CMIP: variants seen among roughly 807,000 people sequenced by gnomAD.
The protein encoded by CMIP is C-Maf-inducing protein.
CMIP carries 13 observed loss-of-function variants against 97.3 expected under a neutral mutation model. The observed-to-expected ratio is 0.13, with a 90% CI of 0.09 to 0.21. The LOEUF (loss-of-function observed/expected upper bound fraction) is 0.21. CMIP is among the 10% of genes least tolerant of loss of function. CMIP has a pLI of 1.00. For missense variants in CMIP, 847 were observed against 1,024.9 expected (o/e 0.83, Z 2.37); for synonymous variants, 538 against 436.3 (o/e 1.23, Z -2.91).
intron 8 of CMIP, among the ~76,000 whole-genome samples, chr16:81,671,502 A>G (rs1226333940): frequency 1.3e-5 from 2 of 152,378 alleles, no homozygotes; most frequent in African/African-American, 4.8e-5. Flanking sequence ...TATGTTTGAA[A>G]GTAAAATGAG....
chr16:81,628,016 C>G (rs1316181649), intron 3 of CMIP, among the ~76,000 whole-genome samples: 1 of 152,168 alleles, frequency 6.6e-6, no homozygotes, highest in Non-Finnish European at 1.5e-5. Context: ...CATCCCCATG[C>G]AGGGGAAAGG....
intron 10 of CMIP, among the ~76,000 whole-genome samples, chr16:81,688,241 GTC>G (rs1352996759): frequency 1.3e-5 from 2 of 152,200 alleles, no homozygotes; most frequent in Non-Finnish European, 2.9e-5. Flanking sequence ...CTCTCCCGCT[GTC>G]TCTGCACACA....
At chr16:81,504,248 C>T (rs1417833388) in intron 1 of CMIP, among the ~76,000 whole-genome samples, 1 of 151,784 alleles carries the variant, frequency 6.6e-6, no homozygotes, top group African/African-American at 2.4e-5. Context: ...ATCGCTTGAA[C>T]CCGGGAGGCA....
At chr16:81,591,244 T>C (rs371345788) in intron 1 of CMIP, among the ~76,000 whole-genome samples, 1 of 126,296 alleles carries the variant, frequency 7.9e-6, no homozygotes, top group African/African-American at 2.5e-5. Context: ...CGTGGGGAGA[T>C]GTCTTTGAGC....
chr16:81,497,804 C>G (rs139570651), intron 1 of CMIP, among the ~76,000 whole-genome samples: 188 of 152,376 alleles, frequency 1.2e-3, no homozygotes, highest in African/African-American at 4.3e-3. Context: ...TGCCCCGCCG[C>G]CTCCTCTGCT....
chr16:81,578,418 A>G (rs74402264), intron 1 of CMIP, among the ~76,000 whole-genome samples: 6 of 152,338 alleles, frequency 3.9e-5, no homozygotes, highest in Admixed American at 6.5e-5. Context: ...GCCCTGAGCT[A>G]TGTGAGTGCT....
At chr16:81,685,291 C>G (rs777942180) in intron 10 of CMIP, among the ~76,000 whole-genome samples, 1 of 152,208 alleles carries the variant, frequency 6.6e-6, no homozygotes, top group Admixed American at 6.5e-5. Context: ...GAGGAGGAGG[C>G]TTCTGTCCAG....
intron 1 of CMIP, among the ~76,000 whole-genome samples, chr16:81,500,212 T>G (rs937574742): frequency 2.6e-5 from 4 of 151,718 alleles, no homozygotes; most frequent in African/African-American, 9.7e-5. Flanking sequence ...AACGATTCTT[T>G]TGGTGAATTT....
intron 1 of CMIP, among the ~76,000 whole-genome samples, chr16:81,490,936 C>T (rs1382435067): frequency 6.6e-6 from 1 of 152,132 alleles, no homozygotes; most frequent in Non-Finnish European, 1.5e-5. Context: ...AGAGTTTCCC[C>T]TGTGTAATGC....
intron 3 of CMIP, among the ~76,000 whole-genome samples, chr16:81,629,943 G>C (rs1050057913): frequency 4.6e-5 from 7 of 152,236 alleles, no homozygotes; most frequent in Non-Finnish European, 8.8e-5. Flanking sequence ...CAGATTTCTA[G>C]AAGTGGTTAC....
At chr16:81,475,297 A>G (rs1264975068) in intron 1 of CMIP, among the ~76,000 whole-genome samples, 1 of 152,238 alleles carries the variant, frequency 6.6e-6, no homozygotes, top group African/African-American at 2.4e-5. Context: ...CATGCAAAGC[A>G]GGGTATAAAA....
intron 15 of CMIP, among the ~76,000 whole-genome samples, chr16:81,700,200 C>T (rs1907238026): frequency 6.6e-6 from 1 of 152,254 alleles, no homozygotes; most frequent in East Asian, 1.9e-4. Context: ...AGCCCCAAGG[C>T]TTCTCGCATT....
intron 1 of CMIP, among the ~76,000 whole-genome samples, chr16:81,521,384 C>A (rs1000807226): frequency 5.3e-4 from 80 of 151,902 alleles, no homozygotes; most frequent in Admixed American, 1.3e-3. Context: ...GCCACCCCCC[C>A]CCGAATAGCA....
intron 1 of CMIP, among the ~76,000 whole-genome samples, chr16:81,570,701 T>C (rs1037540705): frequency 6.6e-6 from 1 of 152,190 alleles, no homozygotes; most frequent in African/African-American, 2.4e-5. Context: ...AACTTGGTTC[T>C]CTGTTAACAT....
chr16:81,670,114 C>G (rs927303733), intron 7 of CMIP, 28 bp from the exon 8 acceptor site: 3 of 1,588,318 alleles, frequency 1.9e-6, no homozygotes, highest in Non-Finnish European at 2.6e-6. Flanking sequence ...AGCACCGTCC[C>G]GACTCCTGTC....
At chr16:81,671,092 G>C (rs955632769) in intron 8 of CMIP, among the ~76,000 whole-genome samples, 7 of 152,194 alleles carry the variant, frequency 4.6e-5, no homozygotes. Context: ...GCCTCCCAAA[G>C]TGCTGGGATT....
At chr16:81,498,325 C>T (rs570047910) in intron 1 of CMIP, among the ~76,000 whole-genome samples, 1 of 152,360 alleles carries the variant, frequency 6.6e-6, no homozygotes. Context: ...CTCCTTCCTT[C>T]CTTTCCAGCT....
chr16:81,500,988 G>A (rs1034833917), intron 1 of CMIP, among the ~76,000 whole-genome samples: 1 of 152,204 alleles, frequency 6.6e-6, no homozygotes, highest in African/African-American at 2.4e-5. Context: ...TCTGCCAATT[G>A]GTTAGCAAGT....
intron 3 of CMIP, among the ~76,000 whole-genome samples, chr16:81,634,331 G>A (rs1567623545): frequency 6.6e-6 from 1 of 152,210 alleles, no homozygotes; most frequent in Non-Finnish European, 1.5e-5. Context: ...ATGAACACGA[G>A]TCTGACTCTC....
Sources: gnomAD v4.1 joint callset for allele counts (sites outside exome capture counted in the v4.1 genomes callset) on GRCh38, gnomAD v4.1.1 for gene constraint, MANE v1.5 for transcripts, NCBI Gene and HGNC (gene_info 2026-07-23, HGNC 2026-07-21) for gene names.